The following GRIP1 variants were observed in gnomAD, a reference collection of about 807,000 sequenced individuals.
The protein encoded by GRIP1 is glutamate receptor interacting protein 1.
A neutral mutation model predicts 129.9 loss-of-function variants in GRIP1; 45 were observed. The observed-to-expected ratio is 0.35, with a 90% CI of 0.27 to 0.44. GRIP1 has a LOEUF of 0.44. Among genes scored for constraint, GRIP1 ranks in the 20% least tolerant of loss-of-function variants. GRIP1 has a pLI of 1.00. For missense variants in GRIP1, 1,196 were observed against 1,396.8 expected (o/e 0.86, Z 2.29); for synonymous variants, 530 against 520.8 (o/e 1.02, Z -0.24).
At chr12:66,682,098 C>T (rs1015929016), upstream of GRIP1, among the ~76,000 whole-genome samples, 1 of 152,142 alleles carries the variant, frequency 6.6e-6, no homozygotes, top group Admixed American at 6.5e-5. Context: ...ATCATTCTTT[C>T]TCCTCTTGTT....
intron 15 of GRIP1, among the ~76,000 whole-genome samples, chr12:66,418,886 T>G (rs1180841126): frequency 6.6e-6 from 1 of 151,948 alleles, no homozygotes; most frequent in East Asian, 1.9e-4. Context: ...CAGCTGGAGG[T>G]TTCTCAAAAA....
chr12:66,960,942 C>A (rs2095604834), intron 1 of GRIP1, among the ~76,000 whole-genome samples: 1 of 148,736 alleles, frequency 6.7e-6, no homozygotes, highest in Non-Finnish European at 1.5e-5. Flanking sequence ...AGTCAGCTCC[C>A]TCCCCTGTAA....
At chr12:66,889,293 C>T (rs2040617034) in intron 1 of GRIP1, among the ~76,000 whole-genome samples, 1 of 152,144 alleles carries the variant, frequency 6.6e-6, no homozygotes, top group African/African-American at 2.4e-5. Context: ...AACCCCATCT[C>T]TACTACAAAT....
chr12:66,906,645 G>A (rs2040938081), intron 1 of GRIP1, among the ~76,000 whole-genome samples: 1 of 152,152 alleles, frequency 6.6e-6, no homozygotes, highest in Non-Finnish European at 1.5e-5. Flanking sequence ...CCAAGCTGTT[G>A]CTAGGTAAGA....
At chr12:66,964,467 C>T (rs2041967848) in intron 1 of GRIP1, among the ~76,000 whole-genome samples, 1 of 152,076 alleles carries the variant, frequency 6.6e-6, no homozygotes, top group African/African-American at 2.4e-5. Flanking sequence ...TAGAATTCAT[C>T]CCTATTGAGC....
At chr12:66,954,662 G>C (rs754851531) in intron 1 of GRIP1, among the ~76,000 whole-genome samples, 1 of 152,202 alleles carries the variant, frequency 6.6e-6, no homozygotes, top group Non-Finnish European at 1.5e-5. Context: ...ATTCGATGTG[G>C]AACAAACATT....
At chr12:66,600,360 A>C (rs2064225821) in intron 1 of GRIP1, among the ~76,000 whole-genome samples, 2 of 151,826 alleles carry the variant, frequency 1.3e-5, no homozygotes, top group Non-Finnish European at 2.9e-5. Context: ...ATAAACGAAC[A>C]AAAAAAAGGT....
chr12:66,808,593 CTGTTT>C (rs1394366210), upstream of GRIP1, among the ~76,000 whole-genome samples: 4 of 149,240 alleles, frequency 2.7e-5, no homozygotes, highest in Non-Finnish European at 4.4e-5. Context: ...CACTGTTTTT[CTGTTT>C]TGTTTTGTTT....
At chr12:67,036,915 A>T (rs1475989442) in intron 1 of GRIP1, among the ~76,000 whole-genome samples, 1 of 152,172 alleles carries the variant, frequency 6.6e-6, no homozygotes, top group Non-Finnish European at 1.5e-5. Context: ...AAACATACCG[A>T]GAAACATTAC....
intron 7 of GRIP1, among the ~76,000 whole-genome samples, chr12:66,468,401 T>C (rs2059345487): frequency 6.6e-6 from 1 of 152,220 alleles, no homozygotes; most frequent in Non-Finnish European, 1.5e-5. Flanking sequence ...CATTGTGAGT[T>C]TGGGCCTTTG....
intron 2 of GRIP1, among the ~76,000 whole-genome samples, chr12:66,581,119 T>G (rs544700080): frequency 0.013 from 1,935 of 152,194 alleles, 44 homozygotes; most frequent in African/African-American, 0.045. Flanking sequence ...ACCACTCAAC[T>G]ACATGGAAAC....
chr12:66,917,978 A>ACG (rs1443520478), intron 1 of GRIP1, among the ~76,000 whole-genome samples: 4,421 of 148,848 alleles, frequency 0.03, 190 homozygotes, highest in African/African-American at 0.1. Flanking sequence ...ACACACACGG[A>ACG]GAGAGAGAGA....
At chr12:66,534,440 A>G (rs117468728) in intron 4 of GRIP1, among the ~76,000 whole-genome samples, 2,081 of 152,202 alleles carry the variant, frequency 0.014, 18 homozygotes, top group South Asian at 0.021. Context: ...GCCTCCTACA[A>G]TGATAAATCT....
chr12:66,623,348 T>G (rs1202290410), intron 1 of GRIP1, among the ~76,000 whole-genome samples: 1 of 152,184 alleles, frequency 6.6e-6, no homozygotes, highest in South Asian at 2.1e-4. Flanking sequence ...TTATCTGCAG[T>G]ATTCAGGAAA....
chr12:66,864,828 T>A (rs1278988670), intron 1 of GRIP1, among the ~76,000 whole-genome samples: 2 of 152,164 alleles, frequency 1.3e-5, no homozygotes, highest in Non-Finnish European at 2.9e-5. Context: ...CTTTTGTAGT[T>A]CAAATCTCTT....
At chr12:66,446,094 G>GGCGGGGCCCCCCCC (rs2058617324) in intron 11 of GRIP1, among the ~76,000 whole-genome samples, 1 of 140,400 alleles carries the variant, frequency 7.1e-6, no homozygotes, top group East Asian at 2.1e-4. Context: ...CATTCCTCCT[G>GGCGGGGCCCCCCCC]CCGCCCCCCA....
intron 1 of GRIP1, among the ~76,000 whole-genome samples, chr12:66,917,212 T>G (rs938332748): frequency 1.3e-5 from 2 of 152,234 alleles, no homozygotes; most frequent in Non-Finnish European, 2.9e-5. Flanking sequence ...TATACTTTTA[T>G]CAGCATAGCC....
At chr12:66,549,163 G>A (rs1011838891) in intron 2 of GRIP1, among the ~76,000 whole-genome samples, 2 of 152,132 alleles carry the variant, frequency 1.3e-5, no homozygotes, top group African/African-American at 2.4e-5. Context: ...CTAGAATAGT[G>A]CCTGGAACAT....
chr12:66,611,953 G>C (rs1315627323), intron 1 of GRIP1, among the ~76,000 whole-genome samples: 1 of 152,160 alleles, frequency 6.6e-6, no homozygotes, highest in East Asian at 1.9e-4. Context: ...AGTGGAAGCA[G>C]ACAGGTTTTA....
Sources: gnomAD v4.1 joint callset for allele counts (sites outside exome capture counted in the v4.1 genomes callset) on GRCh38, gnomAD v4.1.1 for gene constraint, MANE v1.5 for transcripts, NCBI Gene and HGNC (gene_info 2026-07-23, HGNC 2026-07-21) for gene names.